TTC6: variants seen among roughly 807,000 people sequenced by gnomAD.
TTC6 encodes the protein tetratricopeptide repeat domain 6, also known as tetratricopeptide repeat protein 6.
In TTC6, 172 loss-of-function variants were observed where a neutral mutation model predicts 210.4. That is an observed-to-expected ratio of 0.82 (90% CI 0.72 to 0.93). The LOEUF (loss-of-function observed/expected upper bound fraction) is 0.93. TTC6 is among the 40% of genes least tolerant of loss of function. The pLI is 0.00. For synonymous variants in TTC6, 804 were observed against 819.6 expected (o/e 0.98, Z 0.32); for missense variants, 2,414 against 2,318.1 (o/e 1.04, Z -0.85).
At chr14:37,813,751 G>T (rs184459012) in intron 25 of TTC6, among the ~76,000 whole-genome samples, 1 of 152,174 alleles carries the variant, frequency 6.6e-6, no homozygotes, top group Admixed American at 6.5e-5. Flanking sequence ...CAGAGTTCCA[G>T]TCTTTGAGGA....
exon 5 of TTC6, chr14:37,701,389 C>T (rs1225083815): frequency 6.5e-7 from 1 of 1,530,196 alleles, no homozygotes; most frequent in Non-Finnish European, 8.7e-7. Flanking sequence ...CCATCCCAGC[C>T]CAGGAGCTGC....
intron 3 of TTC6, among the ~76,000 whole-genome samples, chr14:37,695,078 A>G (rs1243990423): frequency 5.4e-5 from 8 of 148,576 alleles, no homozygotes; most frequent in African/African-American, 2.0e-4. Context: ...AGATTCAGTC[A>G]TTTGCAACAA....
chr14:37,653,913 A>G (rs759341893), intron 1 of TTC6, among the ~76,000 whole-genome samples: 1 of 152,162 alleles, frequency 6.6e-6, no homozygotes, highest in Non-Finnish European at 1.5e-5. Context: ...AGAATAAATA[A>G]CCATCTTGTT....
intron 14 of TTC6, among the ~76,000 whole-genome samples, chr14:37,785,751 T>C (rs962612089): frequency 6.6e-6 from 1 of 152,214 alleles, no homozygotes; most frequent in Non-Finnish European, 1.5e-5. Context: ...CCCCATATTT[T>C]TGGTTTTATC....
intron 10 of TTC6, 48 bp from the exon 13 acceptor site, chr14:37,748,891 G>C: frequency 7.3e-7 from 1 of 1,365,894 alleles, no homozygotes; most frequent in Non-Finnish European, 9.6e-7. Flanking sequence ...TGATTAGAAA[G>C]ATGATTGTAT....
At chr14:37,628,380 T>A (rs1287299398) in intron 1 of TTC6, among the ~76,000 whole-genome samples, 1 of 152,236 alleles carries the variant, frequency 6.6e-6, no homozygotes, top group Non-Finnish European at 1.5e-5. Flanking sequence ...GCTTTTTTCA[T>A]ATGTTTGTTG....
chr14:37,702,652 A>C (rs1251569193), intron 5 of TTC6, among the ~76,000 whole-genome samples: 1 of 152,214 alleles, frequency 6.6e-6, no homozygotes, highest in African/African-American at 2.4e-5. Context: ...TAATTTAACT[A>C]TCCTAGGTAT....
intron 14 of TTC6, among the ~76,000 whole-genome samples, chr14:37,763,885 G>T (rs532235174): frequency 6.6e-6 from 1 of 151,778 alleles, no homozygotes; most frequent in Admixed American, 6.6e-5. Flanking sequence ...TATTAAGGCA[G>T]AAAGTAACGT....
At chr14:37,627,798 G>T (rs938257724) in intron 1 of TTC6, among the ~76,000 whole-genome samples, 1 of 151,692 alleles carries the variant, frequency 6.6e-6, no homozygotes, top group Non-Finnish European at 1.5e-5. Flanking sequence ...GAAGGATTTG[G>T]GGTATATACC....
chr14:37,664,413 A>G (rs1189322468), intron 1 of TTC6, among the ~76,000 whole-genome samples: 1 of 150,730 alleles, frequency 6.6e-6, no homozygotes, highest in Non-Finnish European at 1.5e-5. Context: ...AAGAATCCCT[A>G]TTTAATAAAT....
At chr14:37,659,401 A>G (rs1307852958) in intron 1 of TTC6, among the ~76,000 whole-genome samples, 1 of 152,116 alleles carries the variant, frequency 6.6e-6, no homozygotes, top group Admixed American at 6.6e-5. Flanking sequence ...ACTCCTGCCA[A>G]CAGTGTATAT....
Position 37,757,361 on chromosome 14 carries a change from T to C in TTC6, c.3266+4126T>C, listed in dbSNP as rs377088434. 9.1e-4 allele frequency among the ~76,000 whole-genome samples: 138 copies of C among 152,094 alleles called. 1 individual carries two copies. In the Middle Eastern group the frequency reaches 0.01, roughly 11 times the overall value. On this transcript the variant is annotated intron_variant, in intron 14 of 30. Coordinates refer to ENST00000553443, the Ensembl canonical transcript of TTC6. Reference sequence around the variant, plus strand: ...CTGCAAGCTCCGCCTCCCAGGTTCATGCCATTCTCCTGCCTCAGCCTCCTG... The same window carrying C: ...CTGCAAGCTCCGCCTCCCAGGTTCACGCCATTCTCCTGCCTCAGCCTCCTG...
chr14:37,803,636 G>A (rs2096111906), intron 20 of TTC6, among the ~76,000 whole-genome samples: 1 of 152,220 alleles, frequency 6.6e-6, no homozygotes, highest in African/African-American at 2.4e-5. Flanking sequence ...CTGCTCAGGT[G>A]AGGCAGGAGA....
chr14:37,611,989 T>A (rs950711534), intron 2 of TTC6, among the ~76,000 whole-genome samples: 1 of 135,216 alleles, frequency 7.4e-6, no homozygotes, highest in Non-Finnish European at 1.7e-5. Context: ...AGGAGATCAA[T>A]AGTTTTTTTT....
exon 17 of TTC6, chr14:37,792,361 A>G (rs1407928902): frequency 5.9e-6 from 9 of 1,532,292 alleles, no homozygotes; most frequent in South Asian, 2.4e-5. Flanking sequence ...GGCTATTAGA[A>G]TTGATCCTTT....
intron 5 of TTC6, among the ~76,000 whole-genome samples, chr14:37,713,707 A>G (rs1487738958): frequency 6.6e-6 from 1 of 151,922 alleles, no homozygotes; most frequent in Non-Finnish European, 1.5e-5. Context: ...TCATGACTCT[A>G]CTCTGACAAA....
exon 5 of TTC6, chr14:37,701,434 C>T (rs1037069419): frequency 7.8e-6 from 12 of 1,533,856 alleles, no homozygotes; most frequent in Non-Finnish European, 1.0e-5. Context: ...GAGTGTATCA[C>T]ACTGCTAACA....
intron 1 of TTC6, among the ~76,000 whole-genome samples, chr14:37,646,740 A>G (rs1206997484): frequency 1.3e-5 from 2 of 152,196 alleles, no homozygotes; most frequent in Non-Finnish European, 2.9e-5. Context: ...TGAACTTCAT[A>G]TATTCTCTGT....
In TTC6 at chr14:37,774,478, C is replaced by T. The variant is rs142920022; in HGVS notation, c.3267-12990C>T. Among the ~76,000 whole-genome samples the T allele has an allele frequency of 4.4e-3, 662 of 152,056 alleles. 5 individuals are homozygous for T. The highest frequency in any genetic ancestry group is 0.014 in the East Asian group (73 of 5,162). On this transcript the variant is annotated intron_variant, in intron 14 of 30. Transcript: ENST00000553443. ...AGGGTTTTTAACATAAAGGTTTCTG[C>T]GTCTATTGAGTTAATCATCTGGTTT...
Sources: allele counts gnomAD v4.1 joint callset (sites outside exome capture counted in the v4.1 genomes callset), GRCh38; gene constraint gnomAD v4.1.1; transcripts MANE v1.5; gene names NCBI Gene and HGNC (gene_info 2026-07-23, HGNC 2026-07-21).